The following FSTL4 variants were observed in gnomAD, a reference collection of about 807,000 sequenced individuals.
FSTL4 encodes follistatin like 4.
FSTL4 carries 28 observed loss-of-function variants against 78.2 expected under a neutral mutation model. The ratio of observed to expected loss-of-function variants is 0.36; its 90% CI spans 0.27 to 0.49. The LOEUF is 0.49. FSTL4 is among the 20% of genes least tolerant of loss of function. The probability of loss-of-function intolerance (pLI) is 0.98; values close to 1 mark genes in which losing one functional copy is unlikely to be tolerated. For missense variants in FSTL4, 922 were observed against 1,084.9 expected (o/e 0.85, Z 2.11); for synonymous variants, 422 against 440.5 (o/e 0.96, Z 0.53).
chr5:133,398,263 CCAG>C lies in FSTL4; in HGVS notation c.409+2472_409+2474del, dbSNP rs1362248217. ...ATGGGAATGATCGAGGAGAGGCAGC[CCAG>C]CTCTTCTGCCCTCCCACCAGGACTA... On this transcript the variant is annotated intron_variant, in intron 4 of 15. Coordinates refer to ENST00000265342, the MANE Select transcript of FSTL4 (RefSeq NM_015082.2). Among the ~76,000 whole-genome samples, 12 of 152,292 alleles carry C rather than the reference CCAG, an allele frequency of 7.9e-5. No individual in the cohort carries two copies. In the Middle Eastern group the frequency reaches 0.01, roughly 130 times the overall value.
At chr5:133,609,039 G>A (rs1056540311) in intron 1 of FSTL4, among the ~76,000 whole-genome samples, 34 of 152,278 alleles carry the variant, frequency 2.2e-4, no homozygotes, top group African/African-American at 8.2e-4. Flanking sequence ...GAGTTTCGGT[G>A]GCATTGTTCA....
the FSTL4 span, among the ~76,000 whole-genome samples, chr5:133,629,237 T>G: frequency 6.6e-6 from 1 of 151,994 alleles, no homozygotes; most frequent in African/African-American, 2.4e-5. Flanking sequence ...AATCATGTGG[T>G]TTTTGTCATT....
chr5:133,593,394 T>C (rs986986268), intron 2 of FSTL4, among the ~76,000 whole-genome samples: 1 of 151,614 alleles, frequency 6.6e-6, no homozygotes, highest in Non-Finnish European at 1.5e-5. Context: ...GGTGGATAAG[T>C]TTTGGGAGGG....
chr5:133,619,810 C>G, the FSTL4 span, among the ~76,000 whole-genome samples: 4 of 152,166 alleles, frequency 2.6e-5, no homozygotes, highest in Admixed American at 2.6e-4. Context: ...TCACTACAAC[C>G]CTCTTCAAAA....
At chr5:133,320,306 T>C (rs1462847476) in intron 4 of FSTL4, among the ~76,000 whole-genome samples, 4 of 152,190 alleles carry the variant, frequency 2.6e-5, no homozygotes, top group African/African-American at 9.6e-5. Flanking sequence ...AATTCCAGTT[T>C]TATTTTTACA....
the FSTL4 span, among the ~76,000 whole-genome samples, chr5:133,686,465 G>A: frequency 6.6e-6 from 1 of 152,228 alleles, no homozygotes; most frequent in Non-Finnish European, 1.5e-5. Flanking sequence ...AATCAGTCAG[G>A]CCCATCCTTT....
chr5:133,615,421 G>T (rs1413438206), upstream of FSTL4, among the ~76,000 whole-genome samples: 1 of 152,184 alleles, frequency 6.6e-6, no homozygotes, highest in African/African-American at 2.4e-5. Flanking sequence ...TCTCTCTCCC[G>T]CCTCAGCCTC....
the FSTL4 span, among the ~76,000 whole-genome samples, chr5:133,635,768 A>G: frequency 6.6e-6 from 1 of 151,848 alleles, no homozygotes; most frequent in Non-Finnish European, 1.5e-5. Flanking sequence ...ATCTCCAAAA[A>G]ACAAACAAAC....
the FSTL4 span, among the ~76,000 whole-genome samples, chr5:133,776,900 C>G: frequency 1.1e-4 from 17 of 152,294 alleles, no homozygotes; most frequent in East Asian, 3.3e-3. Flanking sequence ...GTCCCACTGA[C>G]TTGGCTTACC....
the FSTL4 span, among the ~76,000 whole-genome samples, chr5:133,650,311 C>T: frequency 1.3e-5 from 2 of 152,102 alleles, no homozygotes; most frequent in African/African-American, 2.4e-5. Flanking sequence ...TGTACTTAAT[C>T]AATTATTTCT....
intron 7 of FSTL4, among the ~76,000 whole-genome samples, chr5:133,235,808 A>G (rs1751643505): frequency 6.6e-6 from 1 of 152,252 alleles, no homozygotes; most frequent in South Asian, 2.1e-4. Flanking sequence ...CCTGTATCAT[A>G]AGAGTCATAA....
At chr5:133,741,378 A>T in the FSTL4 span, among the ~76,000 whole-genome samples, 1 of 152,244 alleles carries the variant, frequency 6.6e-6, no homozygotes. Context: ...CCTCAAGGCC[A>T]GCCCCACCTT....
intron 6 of FSTL4, among the ~76,000 whole-genome samples, chr5:133,257,541 G>A (rs1403306071): frequency 1.3e-5 from 2 of 152,208 alleles, no homozygotes; most frequent in Non-Finnish European, 2.9e-5. Context: ...AAACCTCAAT[G>A]TGACTGCTGT....
At chr5:133,617,855 C>T in the FSTL4 span, among the ~76,000 whole-genome samples, 4 of 152,004 alleles carry the variant, frequency 2.6e-5, no homozygotes, top group Non-Finnish European at 5.9e-5. Flanking sequence ...GCGTGGCATA[C>T]GAGAAGATCT....
chr5:133,458,739 C>T (rs76581647), intron 3 of FSTL4, among the ~76,000 whole-genome samples: 2,213 of 152,354 alleles, frequency 0.015, 48 homozygotes, highest in African/African-American at 0.049. Context: ...ACTGGCATCA[C>T]TGTTGTCTGT....
chr5:133,316,387 C>G, intron 5 of FSTL4, 72 bp downstream of exon 5: 2 of 1,218,988 alleles, frequency 1.6e-6, no homozygotes, highest in Non-Finnish European at 2.4e-6. Context: ...CTCTTAGACA[C>G]CAGGGGGCCG....
rs75227689 is a variant in FSTL4 at position 133,242,087 on chromosome 5, G to A, written c.894+7323C>T. Among the ~76,000 whole-genome samples, 819 of 152,292 alleles carry A rather than the reference G, an allele frequency of 5.4e-3. 9 individuals carry two copies. The highest frequency in any genetic ancestry group is 0.019 in the African/African-American group (798 of 41,558). On this transcript the variant is annotated intron_variant, in intron 7 of 15. Transcript: ENST00000265342. ...TCAAAACTGAAAATGCATCACTTCC[G>A]AGAACTTATCTTACACGTCAACTTA...
At chr5:133,829,227 TAAAAATACA>T in the FSTL4 span, among the ~76,000 whole-genome samples, 2 of 152,072 alleles carry the variant, frequency 1.3e-5, no homozygotes, top group African/African-American at 4.8e-5. Context: ...CTGTTTCTAC[TAAAAATACA>T]AAAAAATAAA....
chr5:133,466,996 GAC>G (rs1044452658), intron 3 of FSTL4, among the ~76,000 whole-genome samples: 1 of 151,806 alleles, frequency 6.6e-6, no homozygotes, highest in Non-Finnish European at 1.5e-5. Context: ...ATGTATATGT[GAC>G]AGTGTATGAG....
Sources: allele counts gnomAD v4.1 joint callset (sites outside exome capture counted in the v4.1 genomes callset), GRCh38; gene constraint gnomAD v4.1.1; transcripts MANE v1.5; gene names NCBI Gene and HGNC (gene_info 2026-07-23, HGNC 2026-07-21).